C10orf67: variants seen among roughly 807,000 people sequenced by gnomAD.
C10orf67 encodes the protein uncharacterized protein C10orf67, mitochondrial.
In C10orf67, 60 loss-of-function variants were observed where a neutral mutation model predicts 35.6. The observed-to-expected ratio is 1.68, with a 90% CI of 1.37 to 2.09. The LOEUF is 2.09. Among genes scored for constraint, C10orf67 ranks in the 30% most tolerant of loss-of-function variants. The probability of loss-of-function intolerance (pLI) is 0.00; values close to 1 mark genes in which losing one functional copy is unlikely to be tolerated. For synonymous variants in C10orf67, 167 were observed against 115.8 expected, an observed-to-expected ratio of 1.44 and a Z score of -2.84; for missense variants, 474 against 330.2, an observed-to-expected ratio of 1.44 and a Z score of -3.38.
At chr10:23,287,732 T>G (rs944720356) in intron 7 of C10orf67, among the ~76,000 whole-genome samples, 8 of 151,870 alleles carry the variant, frequency 5.3e-5, no homozygotes, top group African/African-American at 1.9e-4. Flanking sequence ...CTGACAAAGG[T>G]CTAATATCCA....
At chr10:23,296,809 A>G (rs1843893437) in intron 5 of C10orf67, among the ~76,000 whole-genome samples, 1 of 152,170 alleles carries the variant, frequency 6.6e-6, no homozygotes, top group Admixed American at 6.5e-5. Flanking sequence ...AGGAGGTTAA[A>G]GATACAGGGA....
chr10:23,336,795 G>C (rs900887740), intron 1 of C10orf67, among the ~76,000 whole-genome samples: 2 of 152,086 alleles, frequency 1.3e-5, no homozygotes, highest in African/African-American at 4.8e-5. Flanking sequence ...TTACAGGTGT[G>C]AGCCACCGCA....
chr10:23,252,976 G>A (rs1842499547), intron 10 of C10orf67, among the ~76,000 whole-genome samples: 1 of 151,988 alleles, frequency 6.6e-6, no homozygotes, highest in South Asian at 2.1e-4. Context: ...GATAGCGAAT[G>A]GGTCTCACAA....
chr10:23,209,635 C>T (rs987093096), intron 15 of C10orf67, among the ~76,000 whole-genome samples: 15 of 152,212 alleles, frequency 9.9e-5, no homozygotes, highest in African/African-American at 3.6e-4. Context: ...GTTAGCTTGA[C>T]TGTGGTGATC....
intron 10 of C10orf67, among the ~76,000 whole-genome samples, chr10:23,260,528 A>G (rs1293405801): frequency 6.6e-6 from 1 of 152,222 alleles, no homozygotes; most frequent in African/African-American, 2.4e-5. Context: ...TTAAACTTTA[A>G]TTTTTGAAGC....
intron 8 of C10orf67, among the ~76,000 whole-genome samples, chr10:23,275,708 G>A (rs1349096714): frequency 6.6e-6 from 1 of 152,092 alleles, no homozygotes; most frequent in Admixed American, 6.5e-5. Flanking sequence ...AACCTCAACT[G>A]ACCCCTCTGT....
At chr10:23,309,110 A>G (rs979344461) in intron 4 of C10orf67, among the ~76,000 whole-genome samples, 1 of 152,212 alleles carries the variant, frequency 6.6e-6, no homozygotes, top group Non-Finnish European at 1.5e-5. Flanking sequence ...ACTATTCACA[A>G]TGGCAAAGTC....
At chr10:23,315,091 G>T (rs575160279) in intron 4 of C10orf67, among the ~76,000 whole-genome samples, 3 of 152,188 alleles carry the variant, frequency 2.0e-5, no homozygotes, top group African/African-American at 7.2e-5. Flanking sequence ...GGGCGGCCAG[G>T]ATCTGGAAGG....
chr10:23,239,511 G>T (rs531451947), intron 13 of C10orf67, among the ~76,000 whole-genome samples: 4 of 152,278 alleles, frequency 2.6e-5, no homozygotes, highest in Non-Finnish European at 5.9e-5. Flanking sequence ...ACCATATTGC[G>T]CTGTAGCAAT....
chr10:23,219,949 A>T (rs541723998), intron 15 of C10orf67, among the ~76,000 whole-genome samples: 1 of 152,282 alleles, frequency 6.6e-6, no homozygotes, highest in Non-Finnish European at 1.5e-5. Flanking sequence ...TGACAGCAGG[A>T]TAGCTTGAGC....
chr10:23,325,267 G>C (rs1463690296), intron 2 of C10orf67, among the ~76,000 whole-genome samples: 1 of 152,070 alleles, frequency 6.6e-6, no homozygotes, highest in Non-Finnish European at 1.5e-5. Context: ...GAGCCTAGGA[G>C]TTTGGGGCTG....
intron 1 of C10orf67, among the ~76,000 whole-genome samples, chr10:23,337,762 C>A (rs143281121): frequency 6.6e-6 from 1 of 152,138 alleles, no homozygotes; most frequent in East Asian, 1.9e-4. Context: ...GAACCCAACC[C>A]GAGAAGTTCT....
chr10:23,290,221 G>A (rs906786660), intron 6 of C10orf67, among the ~76,000 whole-genome samples: 5 of 152,174 alleles, frequency 3.3e-5, no homozygotes, highest in Admixed American at 1.3e-4. Flanking sequence ...TACTAGCGAC[G>A]GACATTTTTG....
intron 4 of C10orf67, among the ~76,000 whole-genome samples, chr10:23,315,678 T>A (rs1485326271): frequency 6.6e-6 from 1 of 152,156 alleles, no homozygotes; most frequent in East Asian, 1.9e-4. Context: ...TGAGCCCAAG[T>A]GATCTGCCTG....
chr10:23,253,281 T>C (rs779440382), intron 10 of C10orf67, among the ~76,000 whole-genome samples: 2 of 152,182 alleles, frequency 1.3e-5, no homozygotes, highest in Non-Finnish European at 2.9e-5. Flanking sequence ...AGCTGAAGAT[T>C]TGGATAAGGC....
At position 23,324,414 on chromosome 10, in the gene C10orf67, A is replaced by C. The variant is rs11013388; in HGVS notation, c.328-1877T>G. ...CAGATAACTCTCCTGGACAGGACCC[A>C]AAATGACCCTACACTGGTTTCACCT... On this transcript the variant is annotated intron_variant, in intron 2 of 15. Transcript: ENST00000636213. 5.5e-4 allele frequency among the ~76,000 whole-genome samples: 83 copies of C among 152,268 alleles called. 1 individual carries two copies. In the East Asian group the frequency reaches 0.015, roughly 28 times the overall value.
chr10:23,212,033 G>T (rs1232347734), intron 15 of C10orf67, among the ~76,000 whole-genome samples: 3 of 152,192 alleles, frequency 2.0e-5, no homozygotes, highest in Admixed American at 2.0e-4. Context: ...TAGGGTCTTT[G>T]CAGATGATCA....
intron 8 of C10orf67, among the ~76,000 whole-genome samples, chr10:23,274,618 C>T (rs868802671): frequency 1.6e-4 from 25 of 152,084 alleles, no homozygotes; most frequent in Admixed American, 7.2e-4. Context: ...TTTCCTTGTT[C>T]CCTGAAAATC....
intron 6 of C10orf67, 124 bp downstream of exon 6, chr10:23,291,008 T>C (rs1029706013): frequency 6.8e-6 from 4 of 588,272 alleles, no homozygotes; most frequent in African/African-American, 3.8e-5. Context: ...AAGATGGCTA[T>C]GAAATTCATC....
Sources: gnomAD v4.1 joint callset for allele counts (sites outside exome capture counted in the v4.1 genomes callset) on GRCh38, gnomAD v4.1.1 for gene constraint, MANE v1.5 for transcripts, NCBI Gene and HGNC (gene_info 2026-07-23, HGNC 2026-07-21) for gene names.